Variants in HPSE2 observed in about 807,000 individuals in gnomAD.
HPSE2 encodes inactive heparanase-2.
HPSE2 carries 38 observed loss-of-function variants against 60.5 expected under a neutral mutation model. The observed-to-expected ratio is 0.63, with a 90% CI of 0.48 to 0.82. The LOEUF (loss-of-function observed/expected upper bound fraction) is 0.82. Among genes scored for constraint, HPSE2 ranks in the 40% least tolerant of loss-of-function variants. HPSE2 has a pLI of 0.00. For synonymous variants in HPSE2, 295 were observed against 293.2 expected (o/e 1.01, Z -0.06); for missense variants, 713 against 740.4 (o/e 0.96, Z 0.43).
At chr10:98,804,991 A>G (rs1415502175) in intron 3 of HPSE2, among the ~76,000 whole-genome samples, 1 of 152,214 alleles carries the variant, frequency 6.6e-6, no homozygotes, top group Non-Finnish European at 1.5e-5. Flanking sequence ...AACAACATGG[A>G]TGGATCTGGC....
intron 9 of HPSE2, among the ~76,000 whole-genome samples, chr10:98,584,432 T>C (rs1944885582): frequency 1.3e-5 from 2 of 152,174 alleles, no homozygotes; most frequent in Non-Finnish European, 2.9e-5. Flanking sequence ...TCAATGTAGC[T>C]TTCCTATTCC....
At chr10:98,639,119 G>C (rs1203156973) in intron 7 of HPSE2, among the ~76,000 whole-genome samples, 2 of 152,152 alleles carry the variant, frequency 1.3e-5, no homozygotes, top group Non-Finnish European at 2.9e-5. Context: ...GACTTCTGAG[G>C]GTAGGTTAGG....
chr10:99,109,809 A>C (rs754672257), intron 3 of HPSE2, among the ~76,000 whole-genome samples: 3 of 152,214 alleles, frequency 2.0e-5, no homozygotes, highest in Non-Finnish European at 2.9e-5. Flanking sequence ...GTTATCACAG[A>C]TAACAATTAA....
chr10:98,770,016 C>A (rs1950206421), intron 3 of HPSE2, among the ~76,000 whole-genome samples: 1 of 152,118 alleles, frequency 6.6e-6, no homozygotes, highest in Admixed American at 6.5e-5. Flanking sequence ...AAAGAGAAAT[C>A]CCTTTGCCCA....
chr10:99,085,775 C>T (rs1365016507), intron 3 of HPSE2, among the ~76,000 whole-genome samples: 1 of 152,142 alleles, frequency 6.6e-6, no homozygotes, highest in Non-Finnish European at 1.5e-5. Context: ...AAGCCGAATT[C>T]CTCAGTTTAG....
chr10:99,245,827 T>G, the HPSE2 span, among the ~76,000 whole-genome samples: 1 of 152,188 alleles, frequency 6.6e-6, no homozygotes, highest in African/African-American at 2.4e-5. Context: ...AACATTTGAA[T>G]GAAGATGGTC....
the HPSE2 span, among the ~76,000 whole-genome samples, chr10:99,306,298 C>G: frequency 1.3e-5 from 2 of 152,076 alleles, no homozygotes; most frequent in East Asian, 3.9e-4. Flanking sequence ...ACCCTCTTGA[C>G]CCATATCTGG....
intron 6 of HPSE2, among the ~76,000 whole-genome samples, chr10:98,676,919 CTTT>C (rs11299882): frequency 2.1e-5 from 3 of 145,024 alleles, no homozygotes; most frequent in South Asian, 4.3e-4. Context: ...CATTTTCTCT[CTTT>C]TTTTTTTTCA....
intron 9 of HPSE2, among the ~76,000 whole-genome samples, chr10:98,604,015 C>T (rs575798470): frequency 6.6e-6 from 1 of 152,276 alleles, no homozygotes; most frequent in East Asian, 1.9e-4. Flanking sequence ...CTATAGGATG[C>T]TTCCTCTCCC....
At chr10:99,004,683 C>A (rs1956852552) in intron 3 of HPSE2, among the ~76,000 whole-genome samples, 1 of 152,014 alleles carries the variant, frequency 6.6e-6, no homozygotes. Context: ...TACATATTAC[C>A]TTTATAGTAT....
chr10:98,807,995 A>C (rs1403197248), intron 3 of HPSE2, among the ~76,000 whole-genome samples: 1 of 152,138 alleles, frequency 6.6e-6, no homozygotes, highest in Non-Finnish European at 1.5e-5. Flanking sequence ...CTCTCTGATA[A>C]GTTCTTCTCA....
chr10:98,986,636 T>C (rs1956361435), intron 3 of HPSE2, among the ~76,000 whole-genome samples: 1 of 142,348 alleles, frequency 7.0e-6, no homozygotes, highest in Non-Finnish European at 1.6e-5. Flanking sequence ...AAGAAATAAC[T>C]AAGATCAGAG....
chr10:98,716,131 C>T (rs369314518), intron 5 of HPSE2, among the ~76,000 whole-genome samples: 1 of 152,078 alleles, frequency 6.6e-6, no homozygotes, highest in South Asian at 2.1e-4. Flanking sequence ...TTTTTATTTG[C>T]TCATTTATGA....
chr10:99,105,230 T>C (rs988322367), intron 3 of HPSE2, among the ~76,000 whole-genome samples: 3 of 152,136 alleles, frequency 2.0e-5, no homozygotes, highest in Admixed American at 1.3e-4. Flanking sequence ...ATAGTATTTA[T>C]GTGTCTGTCT....
chr10:98,800,222 A>G (rs966671091), intron 3 of HPSE2, among the ~76,000 whole-genome samples: 1 of 151,684 alleles, frequency 6.6e-6, no homozygotes, highest in Non-Finnish European at 1.5e-5. Context: ...ACAAAATACT[A>G]GCTAGGCATG....
At chr10:98,652,528 G>A (rs1241920353) in intron 6 of HPSE2, among the ~76,000 whole-genome samples, 1 of 152,176 alleles carries the variant, frequency 6.6e-6, no homozygotes, top group Non-Finnish European at 1.5e-5. Flanking sequence ...ACACAACAGA[G>A]CAGTTTTTAC....
chr10:99,238,635 T>C (rs1287074255), upstream of HPSE2, among the ~76,000 whole-genome samples: 3 of 152,212 alleles, frequency 2.0e-5, no homozygotes, highest in African/African-American at 7.2e-5. Flanking sequence ...TTGGTTTAGT[T>C]TGGGTTTAGA....
At chr10:98,547,667 A>C (rs1462202246) in intron 9 of HPSE2, among the ~76,000 whole-genome samples, 2 of 68,076 alleles carry the variant, frequency 2.9e-5, no homozygotes, top group South Asian at 6.6e-4. Context: ...GGGTGGGGGG[A>C]GGGGGGAGGG....
chr10:98,591,905 T>C (rs761114428), intron 9 of HPSE2, among the ~76,000 whole-genome samples: 169 of 152,294 alleles, frequency 1.1e-3, no homozygotes, highest in Non-Finnish European at 1.8e-3. Flanking sequence ...TATTGGCCTA[T>C]TTGGATGAAT....
Sources: gnomAD v4.1 joint callset for allele counts (sites outside exome capture counted in the v4.1 genomes callset) on GRCh38, gnomAD v4.1.1 for gene constraint, MANE v1.5 for transcripts, NCBI Gene and HGNC (gene_info 2026-07-23, HGNC 2026-07-21) for gene names.